NBPF12: variants seen among roughly 807,000 people sequenced by gnomAD.
NBPF12 encodes NBPF family member NBPF12.
NBPF12 carries 115 observed loss-of-function variants against 146.4 expected under a neutral mutation model. The ratio of observed to expected loss-of-function variants is 0.79; its 90% CI spans 0.68 to 0.92. NBPF12 has a LOEUF of 0.92. Ranked by LOEUF, NBPF12 falls within the 40% of genes least tolerant of loss-of-function variation. The probability of loss-of-function intolerance (pLI) is 0.00; values close to 1 mark genes in which losing one functional copy is unlikely to be tolerated. For missense variants in NBPF12, 1,205 were observed against 1,326.8 expected (o/e 0.91, Z 1.43); for synonymous variants, 385 against 508.9 (o/e 0.76, Z 3.28).
At chr1:146,970,033 C>G (rs1483734700) in intron 11 of NBPF12, among the ~76,000 whole-genome samples, 1 of 149,178 alleles carries the variant, frequency 6.7e-6, no homozygotes, top group East Asian at 2.0e-4. Context: ...TTGTCTCTTT[C>G]AAGGGTCTGA....
Position 146,971,098 on chromosome 1 carries a change from G to C in NBPF12, c.1380-85G>C, listed in dbSNP as rs1194019160. 1.0e-5 allele frequency: 16 copies of C among 1,599,794 alleles called. No homozygotes were observed. In the East Asian group the frequency reaches 3.1e-4, roughly 31 times the overall value. On this transcript the variant is annotated intron_variant, in intron 12 of 33. Transcript: ENST00000617844. ...TTTCTGGGACCACTCTCTTAATGCC[G>C]CTTGTCAAAACCAGCTAGGACTCCT...
At chr1:146,956,427 TC>T (rs1418910914) in intron 2 of NBPF12, among the ~76,000 whole-genome samples, 9 of 151,902 alleles carry the variant, frequency 5.9e-5, no homozygotes, top group African/African-American at 2.2e-4. Flanking sequence ...TGGCAGTAGT[TC>T]CGTTAGTGCA....
intron 4 of NBPF12, among the ~76,000 whole-genome samples, chr1:146,960,523 G>C (rs1231163415): frequency 1.3e-5 from 2 of 151,940 alleles, no homozygotes; most frequent in African/African-American, 4.9e-5. Context: ...AGTCAGATGG[G>C]GGTGGGACTA....
intron 13 of NBPF12, among the ~76,000 whole-genome samples, chr1:146,972,421 AAAAAATT>A (rs1452069240): frequency 2.0e-5 from 3 of 151,376 alleles, no homozygotes; most frequent in Non-Finnish European, 4.4e-5. Flanking sequence ...CCAAAAAAGA[AAAAAATT>A]AAAAAAGCAA....
At chr1:146,950,045 C>T (rs1180280744) in intron 1 of NBPF12, among the ~76,000 whole-genome samples, 2 of 152,058 alleles carry the variant, frequency 1.3e-5, no homozygotes, top group African/African-American at 2.4e-5. Flanking sequence ...TGTCTCATCA[C>T]GTTAAGAGGC....
intron 2 of NBPF12, among the ~76,000 whole-genome samples, chr1:146,957,837 ATAT>A (rs1201585935): frequency 0.027 from 1,715 of 62,686 alleles, 187 homozygotes; most frequent in African/African-American, 0.1. Context: ...GAAAAAAAAA[ATAT>A]AATATATATA....
At chr1:146,956,310 G>A (rs1318943421) in intron 2 of NBPF12, among the ~76,000 whole-genome samples, 6 of 151,946 alleles carry the variant, frequency 3.9e-5, no homozygotes, top group East Asian at 3.9e-4. Context: ...AAATGCAAAC[G>A]GACCTGAAGT....
chr1:146,938,408 C>T (rs1654628326), upstream of NBPF12, among the ~76,000 whole-genome samples: 1 of 152,226 alleles, frequency 6.6e-6, no homozygotes, highest in African/African-American at 2.4e-5. Flanking sequence ...GGGGGTGTGT[C>T]TCCCGCCTCT....
At chr1:146,994,670 A>T in exon 34 of NBPF12, 2 of 1,564,338 alleles carry the variant, frequency 1.3e-6, no homozygotes, top group Non-Finnish European at 8.6e-7. Context: ...TTGGAAGCCC[A>T]GACATAGGAT....
At chr1:146,989,390 C>T (rs1440450769) in intron 27 of NBPF12, among the ~76,000 whole-genome samples, 184 bp from the exon 31 acceptor site, 1 of 150,746 alleles carries the variant, frequency 6.6e-6, no homozygotes, top group Non-Finnish European at 1.5e-5. Context: ...CTCTGTCTTT[C>T]TCTTTCATTG....
rs1281059789 is a variant in NBPF12 at position 146,986,282 on chromosome 1, G to A, written c.2892-70G>A. ...TTAAACAGTTCCTTATGTTAGCCACGAAATCTAGCTGGGGCTGTGTGGTTT... is the reference window on the plus strand; with the variant it reads ...TTAAACAGTTCCTTATGTTAGCCACAAAATCTAGCTGGGGCTGTGTGGTTT... On this transcript the variant is annotated intron_variant, in intron 23 of 33. Transcript: ENST00000617844. 2.2e-5 allele frequency: 11 copies of A among 511,586 alleles called. 3 individuals carry two copies. The highest frequency in any genetic ancestry group is 9.9e-5 in the African/African-American group (4 of 40,368). 31.7% of individuals were successfully genotyped at this position (511,586 alleles called of 1,614,324 possible). A position where few individuals can be genotyped will look rare whatever the true frequency, so the allele number is the denominator to read the frequency against.
exon 7 of NBPF12, chr1:146,964,365 G>A: frequency 5.0e-6 from 8 of 1,602,426 alleles, no homozygotes; most frequent in Non-Finnish European, 6.8e-6. Context: ...AGAAAATGAT[G>A]AAGATGAGGA....
chr1:146,969,133 C>G lies in NBPF12; in HGVS notation c.1092-249C>G, dbSNP rs1223139543. Among the ~76,000 whole-genome samples the G allele has an allele frequency of 1.4e-3, 214 of 151,282 alleles. 2 individuals are homozygous for G. Among genetic ancestry groups the G allele is most frequent in the South Asian group, 9.6e-3 (46 of 4,780 alleles). Reference sequence around the variant, plus strand: ...TGAAACGGAATTAGGAAGACACCTACTTTTGTTTACAGAAGGGAAAGATGA... The same window carrying G: ...TGAAACGGAATTAGGAAGACACCTAGTTTTGTTTACAGAAGGGAAAGATGA... On this transcript the variant is annotated intron_variant, in intron 10 of 33. Transcript: ENST00000617844.
At chr1:146,964,272 T>C in intron 6 of NBPF12, 85 bp from the exon 10 acceptor site, 2 of 1,575,970 alleles carry the variant, frequency 1.3e-6, no homozygotes, top group Non-Finnish European at 1.7e-6. Context: ...CATACATAGA[T>C]GTTCATGTCT....
chr1:146,961,481 T>G (rs1269319360), intron 4 of NBPF12, among the ~76,000 whole-genome samples: 3 of 152,164 alleles, frequency 2.0e-5, no homozygotes, highest in Admixed American at 1.3e-4. Context: ...TGGCACAGTG[T>G]AAACACTATT....
rs1410300328 is a variant in NBPF12, at chr1:146,958,027, T to C, written c.-183-1832T>C. 1.4e-4 allele frequency among the ~76,000 whole-genome samples: 16 copies of C among 115,316 alleles called. 4 individuals are homozygous for C. The East Asian group carries it at 4.9e-3, about 36-fold the overall frequency. 75.7% of individuals were successfully genotyped at this position (115,316 alleles called of 152,430 possible). ...CATGTGTATATATAAATAATACATA[T>C]ACACGTGTATATATATTATATACAT... On this transcript the variant is annotated intron_variant, in intron 2 of 33. Transcript: ENST00000617844.
intron 18 of NBPF12, among the ~76,000 whole-genome samples, chr1:146,978,420 A>C (rs1657186026): frequency 6.9e-6 from 1 of 145,712 alleles, no homozygotes; most frequent in African/African-American, 2.5e-5. Context: ...GCACAACATC[A>C]CATCTGGCTA....
At chr1:146,954,929 A>G (rs1655507082) in intron 2 of NBPF12, among the ~76,000 whole-genome samples, 1 of 130,224 alleles carries the variant, frequency 7.7e-6, no homozygotes, top group African/African-American at 2.7e-5. Flanking sequence ...GTGTATATAT[A>G]TATATTCACC....
At chr1:146,971,989 G>C in intron 13 of NBPF12, among the ~76,000 whole-genome samples, 1 of 149,638 alleles carries the variant, frequency 6.7e-6, no homozygotes, top group Admixed American at 6.6e-5. Context: ...TTGGGAGGCT[G>C]AGGCAGGAGA....
Sources: gnomAD v4.1 joint callset for allele counts (sites outside exome capture counted in the v4.1 genomes callset) on GRCh38, gnomAD v4.1.1 for gene constraint, MANE v1.5 for transcripts, NCBI Gene and HGNC (gene_info 2026-07-23, HGNC 2026-07-21) for gene names.